Variants in CEP43 observed in about 807,000 individuals in gnomAD.
CEP43 encodes centrosomal protein 43, also known as FGFR1 oncogene partner.
In CEP43, 36 loss-of-function variants were observed where a neutral mutation model predicts 52.6. The ratio of observed to expected loss-of-function variants is 0.68; its 90% confidence interval spans 0.52 to 0.90. The LOEUF (loss-of-function observed/expected upper bound fraction) is 0.90. Ranked by LOEUF, CEP43 falls within the 40% of genes least tolerant of loss-of-function variation. The pLI, the probability that CEP43 is intolerant of heterozygous loss-of-function variation, is 0.00. For missense variants in CEP43, 506 were observed against 472.8 expected (o/e 1.07, Z -0.65); for synonymous variants, 192 against 172.4 (o/e 1.11, Z -0.89).
intron 12 of CEP43, 32 bp downstream of exon 12, chr6:167,034,003 T>A: frequency 1.0e-6 from 1 of 952,604 alleles, no homozygotes; most frequent in Non-Finnish European, 1.6e-6. Flanking sequence ...ATAGAGTGCT[T>A]TTTTTTTTTA....
rs537496754 is a variant in CEP43 at position 167,049,713 on chromosome 6, T to G, written c.*9735T>G. On this transcript the variant is annotated 3_prime_UTR_variant, in exon 13 of 13. Coordinates refer to ENST00000366847, the MANE Select transcript of CEP43 (RefSeq NM_007045.4). ...GTGTAGATATATAATATGCTTTATT[T>G]TCTCTTGAGTACATAAAAGTGGAGC... The G allele has an allele frequency of 4.2e-4, 64 of 152,234 alleles. No individual in the cohort carries two copies. The highest frequency in any genetic ancestry group is 1.5e-3 in the African/African-American group (63 of 41,518). The allele number at this position is 152,234 out of a possible 1,614,324, so 9.4% of individuals were successfully genotyped here.
rs1048595036 is a variant in CEP43 at position 167,047,359 on chromosome 6, C to G, written c.*7381C>G. ...AAATCATGCAACTCCACTACAGTGG[C>G]TAGAAGCCTGGATGGGCAACTTGGC... On this transcript the variant is annotated 3_prime_UTR_variant, in exon 13 of 13. Transcript: ENST00000366847. The G allele has an allele frequency of 6.6e-6, 1 of 152,182 alleles. No individual in the cohort carries two copies. The highest frequency in any genetic ancestry group is 1.5e-5 in the Non-Finnish European group (1 of 68,048). The allele number at this position is 152,182 out of a possible 1,614,324, so 9.4% of individuals were successfully genotyped here. A position where few individuals can be genotyped will look rare whatever the true frequency, so the allele number is the denominator to read the frequency against.
At chr6:167,019,008 C>T (rs544037368) in intron 7 of CEP43, among the ~76,000 whole-genome samples, 3 of 152,216 alleles carry the variant, frequency 2.0e-5, no homozygotes, top group Admixed American at 6.5e-5. Flanking sequence ...GGACAGTAAT[C>T]GGTGGTACGA....
chr6:167,003,149 T>G lies in CEP43; in HGVS notation c.157-44T>G, dbSNP rs774052023. 4 of 881,430 alleles carry G rather than the reference T, an allele frequency of 4.5e-6. No homozygotes were observed. The South Asian group carries it at 6.4e-5, about 14-fold the overall frequency. The allele number at this position is 881,430 out of a possible 1,614,324, so 54.6% of individuals were successfully genotyped here. On this transcript the variant is annotated intron_variant, in intron 2 of 12. Transcript: ENST00000366847. The stretch of plus-strand genomic sequence containing the variant: ...TTAAACTTTATATTTTGTAGTTGTT[T>G]TTAGGGTAAACACATGACACTTAAA...
chr6:167,051,271 A>C lies in CEP43; in HGVS notation c.*11293A>C, dbSNP rs1195823943. The C allele has an allele frequency of 6.6e-6, 1 of 152,234 alleles. No individual in the cohort carries two copies. Among genetic ancestry groups the C allele is most frequent in the African/African-American group, 2.4e-5 (1 of 41,468 alleles). The allele number at this position is 152,234 out of a possible 1,614,324, so 9.4% of individuals were successfully genotyped here. On this transcript the variant is annotated 3_prime_UTR_variant, in exon 13 of 13. Coordinates refer to ENST00000366847, the MANE Select transcript of CEP43 (RefSeq NM_007045.4). ...AAAATAGGTGGTAATCTTTACACCT[A>C]TATCTTAGTAGAATTCAGGCCCCTC...
intron 7 of CEP43, among the ~76,000 whole-genome samples, chr6:167,016,876 G>A (rs1012285861): frequency 6.6e-6 from 1 of 152,010 alleles, no homozygotes; most frequent in African/African-American, 2.4e-5. Flanking sequence ...AATACAGTCA[G>A]CCTCATATCT....
At chr6:167,038,162 G>T (rs1464515739) in intron 12 of CEP43, among the ~76,000 whole-genome samples, 1 of 152,184 alleles carries the variant, frequency 6.6e-6, no homozygotes, top group African/African-American at 2.4e-5. Context: ...TTATACAAAT[G>T]AATAGATATA....
intron 1 of CEP43, 134 bp from the exon 2 acceptor site, chr6:166,999,926 C>G: frequency 1.5e-6 from 1 of 665,680 alleles, no homozygotes; most frequent in South Asian, 1.9e-5. Flanking sequence ...GAGAACGTTT[C>G]GGAAGGCGTT....
Position 167,051,708 on chromosome 6 carries a change from C to T in CEP43, c.*11730C>T, listed in dbSNP as rs1181984922. 6.6e-6 allele frequency: 1 copy of T among 152,026 alleles called. No individual in the cohort carries two copies. Among genetic ancestry groups the T allele is most frequent in the Non-Finnish European group, 1.5e-5 (1 of 67,990 alleles). 9.4% of individuals were successfully genotyped at this position (152,026 alleles called of 1,614,324 possible). ...TACACTATTATCATTGTAAAATATT[C>T]CTTTTTATCTCTAGTATTTTTTGTC... On this transcript the variant is annotated 3_prime_UTR_variant, in exon 13 of 13. Coordinates refer to ENST00000366847, the MANE Select transcript of CEP43 (RefSeq NM_007045.4).
chr6:167,031,147 C>A (rs922593883), intron 10 of CEP43, among the ~76,000 whole-genome samples: 2 of 152,080 alleles, frequency 1.3e-5, no homozygotes, highest in African/African-American at 4.8e-5. Context: ...GTCTCAAACT[C>A]CTGGGTGCAA....
At chr6:167,034,673 TGA>T (rs112806014) in intron 12 of CEP43, among the ~76,000 whole-genome samples, 3,590 of 152,298 alleles carry the variant, frequency 0.024, 126 homozygotes, top group African/African-American at 0.08. Context: ...AGAAGGCCTT[TGA>T]GAGAGGTAGC....
At position 167,036,083 on chromosome 6, in the gene CEP43, CAG is replaced by C. The variant is rs1309312828; in HGVS notation, c.1125+2120_1125+2121del. On this transcript the variant is annotated intron_variant, in intron 12 of 12. Transcript: ENST00000366847. ...TTCTTCCCTCAAATTTATGCAGGATCAGAGAGAGAAAAGCCATGTACACAAAC... is the reference window on the plus strand; with the variant it reads ...TTCTTCCCTCAAATTTATGCAGGATCAGAGAGAAAAGCCATGTACACAAAC... 5 of 985,002 alleles carry C rather than the reference CAG, an allele frequency of 5.1e-6. No homozygotes were observed. The African/African-American group carries it at 8.7e-5, about 17-fold the overall frequency. The allele number at this position is 985,002 out of a possible 1,614,324, so 61.0% of individuals were successfully genotyped here. A position where few individuals can be genotyped will look rare whatever the true frequency, so the allele number is the denominator to read the frequency against.
intron 7 of CEP43, 143 bp from the exon 8 acceptor site, chr6:167,022,266 A>G: frequency 1.7e-6 from 1 of 592,706 alleles, no homozygotes; most frequent in Non-Finnish European, 2.9e-6. Flanking sequence ...CCCAACACAC[A>G]CACACACACA....
In CEP43 at chr6:167,000,131, TTTAACATGGCTGTATTCG is replaced by T. The variant is rs772555284; in HGVS notation, c.156+23_156+40del. Reference sequence around the variant, plus strand: ...AAGTAGAGGTATGAAGTTTCCAGATTTTAACATGGCTGTATTCGTTAATACTTAATTTCTTATTCATTA... The same window carrying T: ...AAGTAGAGGTATGAAGTTTCCAGATTTTAATACTTAATTTCTTATTCATTA... On this transcript the variant is annotated intron_variant, in intron 2 of 12. Coordinates refer to ENST00000366847, the MANE Select transcript of CEP43 (RefSeq NM_007045.4). 6.3e-7 allele frequency: 1 copy of T among 1,585,100 alleles called. No individual in the cohort carries two copies. Among genetic ancestry groups the T allele is most frequent in the South Asian group, 1.1e-5 (1 of 89,494 alleles).
At position 167,043,563 on chromosome 6, in the gene CEP43, T is replaced by C. The variant is rs1006715518; in HGVS notation, c.*3585T>C. 1.3e-5 allele frequency: 2 copies of C among 151,890 alleles called. No individual in the cohort carries two copies. The highest frequency in any genetic ancestry group is 4.8e-5 in the African/African-American group (2 of 41,316). The allele number at this position is 151,890 out of a possible 1,614,324, so 9.4% of individuals were successfully genotyped here. ...GCCCAGCTAATTTTTATAATTTTTT[T>C]GTAGAGACGGGATTTCACCATGTTG... On this transcript the variant is annotated 3_prime_UTR_variant, in exon 13 of 13. Coordinates refer to ENST00000366847, the MANE Select transcript of CEP43 (RefSeq NM_007045.4).
chr6:167,008,729 C>T (rs1157536340), intron 5 of CEP43, among the ~76,000 whole-genome samples: 1 of 152,014 alleles, frequency 6.6e-6, no homozygotes, highest in Non-Finnish European at 1.5e-5. Flanking sequence ...CCGCCTTGGC[C>T]TCCCAAATTG....
intron 10 of CEP43, among the ~76,000 whole-genome samples, chr6:167,029,551 T>C (rs2128666199): frequency 6.6e-6 from 1 of 152,360 alleles, no homozygotes; most frequent in South Asian, 2.1e-4. Flanking sequence ...GTTTTCAAAT[T>C]TTTGAATTTG....
At chr6:166,999,700 G>A (rs908928067) in intron 1 of CEP43, 186 bp downstream of exon 1, 1 of 476,870 alleles carries the variant, frequency 2.1e-6, no homozygotes, top group Non-Finnish European at 3.6e-6. Context: ...TCGTTCGTTC[G>A]TGTGGTCCCG....
chr6:167,009,526 A>C (rs1057118191), intron 5 of CEP43, among the ~76,000 whole-genome samples: 1 of 139,278 alleles, frequency 7.2e-6, no homozygotes, highest in African/African-American at 2.6e-5. Context: ...AAAAAAAAAA[A>C]AAATACAAGG....
Sources: allele counts gnomAD v4.1 joint callset (sites outside exome capture counted in the v4.1 genomes callset), GRCh38; gene constraint gnomAD v4.1.1; transcripts MANE v1.5; gene names NCBI Gene and HGNC (gene_info 2026-07-23, HGNC 2026-07-21).